Variants in EYS observed in about 807,000 individuals in gnomAD.
EYS encodes the protein protein eyes shut homolog.
A neutral mutation model predicts 282.1 loss-of-function variants in EYS; 250 were observed. The observed-to-expected ratio is 0.89, with a 90% CI of 0.80 to 0.98. The LOEUF (loss-of-function observed/expected upper bound fraction) is 0.98. Among genes scored for constraint, EYS ranks in the 50% least tolerant of loss-of-function variants. The pLI, the probability that EYS is intolerant of heterozygous loss-of-function variation, is 0.00. For synonymous variants in EYS, 1,355 were observed against 1,282.9 expected, an observed-to-expected ratio of 1.06 and a Z score of -1.20; for missense variants, 4,016 against 3,709.0, an observed-to-expected ratio of 1.08 and a Z score of -2.15.
intron 31 of EYS, among the ~76,000 whole-genome samples, chr6:64,108,922 C>T (rs1773118268): frequency 6.6e-6 from 1 of 152,078 alleles, no homozygotes; most frequent in South Asian, 2.1e-4. Flanking sequence ...TTAAATACAA[C>T]TCTATGGTTA....
At chr6:64,575,707 G>A (rs1765859986) in intron 26 of EYS, among the ~76,000 whole-genome samples, 1 of 152,070 alleles carries the variant, frequency 6.6e-6, no homozygotes, top group South Asian at 2.1e-4. Context: ...GAAGTCAAAG[G>A]TATGGTACAT....
At chr6:65,696,313 T>C (rs1048717556) in intron 1 of EYS, among the ~76,000 whole-genome samples, 1 of 152,048 alleles carries the variant, frequency 6.6e-6, no homozygotes, top group Non-Finnish European at 1.5e-5. Flanking sequence ...TTACCATATT[T>C]GGTTAAAAAT....
chr6:64,536,374 TTCC>T (rs1764518918), intron 26 of EYS, among the ~76,000 whole-genome samples: 1 of 152,180 alleles, frequency 6.6e-6, no homozygotes, highest in South Asian at 2.1e-4. Context: ...TCAGCAGGAA[TTCC>T]AGAATAAGTC....
chr6:65,174,075 G>GA (rs1272188706), intron 12 of EYS, among the ~76,000 whole-genome samples: 1 of 150,840 alleles, frequency 6.6e-6, no homozygotes, highest in Admixed American at 6.6e-5. Flanking sequence ...AAAGCTACAA[G>GA]AAAAAAATGC....
At chr6:64,267,389 C>T (rs1767796860) in intron 30 of EYS, among the ~76,000 whole-genome samples, 1 of 152,074 alleles carries the variant, frequency 6.6e-6, no homozygotes, top group South Asian at 2.1e-4. Context: ...AACTCTCCCA[C>T]CCATACTTCA....
chr6:63,816,567 G>A (rs1477284546), intron 36 of EYS, among the ~76,000 whole-genome samples: 2 of 152,192 alleles, frequency 1.3e-5, no homozygotes, highest in Non-Finnish European at 2.9e-5. Context: ...AGTTCACATT[G>A]TGTGAACAGC....
intron 12 of EYS, among the ~76,000 whole-genome samples, chr6:65,283,326 T>C (rs186277584): frequency 1.3e-5 from 2 of 152,082 alleles, no homozygotes; most frequent in South Asian, 2.1e-4. Flanking sequence ...ACCAGATACA[T>C]TGATATTTAT....
chr6:65,216,319 T>A (rs1282047323), intron 12 of EYS, among the ~76,000 whole-genome samples: 5 of 152,044 alleles, frequency 3.3e-5, no homozygotes, highest in African/African-American at 1.2e-4. Context: ...ATGACTAATG[T>A]TCAAATTGTA....
At chr6:65,024,538 A>G (rs965660891) in intron 13 of EYS, among the ~76,000 whole-genome samples, 1 of 152,180 alleles carries the variant, frequency 6.6e-6, no homozygotes, top group Non-Finnish European at 1.5e-5. Context: ...TTCAGAATTC[A>G]TGCGTCACGA....
intron 13 of EYS, among the ~76,000 whole-genome samples, chr6:65,049,684 A>G (rs1181790193): frequency 6.6e-6 from 1 of 151,736 alleles, no homozygotes; most frequent in Non-Finnish European, 1.5e-5. Context: ...ATTCAATGCA[A>G]ACAACCCTTC....
intron 31 of EYS, among the ~76,000 whole-genome samples, chr6:64,117,672 A>G (rs1249308636): frequency 6.6e-6 from 1 of 151,878 alleles, no homozygotes; most frequent in East Asian, 1.9e-4. Flanking sequence ...AAAAATTCTT[A>G]CTCAACATAG....
chr6:65,344,142 C>T lies in EYS; in HGVS notation c.1495G>A (p.Ala499Thr), dbSNP rs1374742700. The change falls in exon 10 of 43, where the codon GCC (alanine) becomes ACC (threonine). Residue 499 changes from alanine to threonine, a missense_variant. By Grantham distance (58) the Ala-to-Thr change is moderately conservative (BLOSUM62 0). Coordinates refer to ENST00000503581, the MANE Select transcript of EYS (RefSeq NM_001142800.2). ...EGEKCQGVIDAYFFLAANCTE... is the reference protein window; with the variant it reads ...EGEKCQGVIDTYFFLAANCTE... The stretch of plus-strand genomic sequence containing the variant: ...CAGTTTGCAGCCAGAAAGAAATAGG[C>T]ATCAATAACCCCTTGGCACTTTTCG... The T allele has an allele frequency of 6.2e-7, 1 of 1,609,858 alleles. No homozygotes were observed. The highest frequency in any genetic ancestry group is 2.2e-5 in the East Asian group (1 of 44,700).
At chr6:65,461,806 G>C (rs1764836040) in intron 5 of EYS, among the ~76,000 whole-genome samples, 1 of 152,016 alleles carries the variant, frequency 6.6e-6, no homozygotes, top group African/African-American at 2.4e-5. Flanking sequence ...TAATTAAAAT[G>C]CCAAGTAACA....
chr6:64,809,132 G>A (rs983988331), intron 22 of EYS, among the ~76,000 whole-genome samples: 2 of 152,066 alleles, frequency 1.3e-5, no homozygotes, highest in African/African-American at 2.4e-5. Context: ...GGCAAATAGA[G>A]TTAGGATATG....
intron 12 of EYS, among the ~76,000 whole-genome samples, chr6:65,156,981 C>A (rs1381354793): frequency 1.3e-5 from 2 of 150,974 alleles, no homozygotes; most frequent in South Asian, 4.2e-4. Context: ...AAAATAATGA[C>A]CTTATTCTTC....
intron 12 of EYS, among the ~76,000 whole-genome samples, chr6:65,119,627 T>G (rs1775468472): frequency 7.8e-6 from 1 of 128,232 alleles, no homozygotes; most frequent in African/African-American, 3.1e-5. Context: ...TTAGCCTTTT[T>G]ATCTTTTTTT....
chr6:65,689,166 C>T (rs1769143607), intron 1 of EYS, among the ~76,000 whole-genome samples: 1 of 149,954 alleles, frequency 6.7e-6, no homozygotes, highest in Non-Finnish European at 1.5e-5. Flanking sequence ...AAATGTGGTA[C>T]ATATTCACCA....
intron 12 of EYS, among the ~76,000 whole-genome samples, chr6:65,075,812 A>C (rs1774033340): frequency 6.6e-6 from 1 of 152,020 alleles, no homozygotes; most frequent in Non-Finnish European, 1.5e-5. Flanking sequence ...AGTGAGTTGA[A>C]AAGTTTCATT....
At chr6:64,798,382 A>G (rs573518686) in intron 22 of EYS, among the ~76,000 whole-genome samples, 1 of 152,036 alleles carries the variant, frequency 6.6e-6, no homozygotes, top group South Asian at 2.1e-4. Context: ...AAAATAAGCT[A>G]TTTATGGATC....
Sources: gnomAD v4.1 joint callset for allele counts (sites outside exome capture counted in the v4.1 genomes callset) on GRCh38, gnomAD v4.1.1 for gene constraint, MANE v1.5 for transcripts, NCBI Gene and HGNC (gene_info 2026-07-23, HGNC 2026-07-21) for gene names.